Variants in CNTNAP2 observed in about 807,000 individuals in gnomAD.
The protein encoded by CNTNAP2 is contactin associated protein 2.
In CNTNAP2, 98 loss-of-function variants were observed where a neutral mutation model predicts 155.2. That is an observed-to-expected ratio of 0.63 (90% confidence interval 0.54 to 0.75). The LOEUF (loss-of-function observed/expected upper bound fraction) is 0.75. Ranked by LOEUF, CNTNAP2 falls within the 30% of genes least tolerant of loss-of-function variation. CNTNAP2 has a pLI of 0.00. For synonymous variants in CNTNAP2, 651 were observed against 631.2 expected (o/e 1.03, Z -0.47); for missense variants, 1,727 against 1,688.1 (o/e 1.02, Z -0.40).
intron 1 of CNTNAP2, among the ~76,000 whole-genome samples, chr7:146,221,779 T>C (rs1248047897): frequency 6.6e-6 from 1 of 152,232 alleles, no homozygotes; most frequent in Non-Finnish European, 1.5e-5. Flanking sequence ...TCAGAAAATG[T>C]AATGTCTATT....
At position 146,930,030 on chromosome 7, in the gene CNTNAP2, G is replaced by A. The variant is rs551561208; in HGVS notation, c.402+90126G>A. Among the ~76,000 whole-genome samples, 3 of 152,248 alleles carry A rather than the reference G, an allele frequency of 2.0e-5. No individual in the cohort carries two copies. The South Asian group carries it at 6.2e-4, about 32-fold the overall frequency. On this transcript the variant is annotated intron_variant, in intron 3 of 23. Coordinates refer to ENST00000361727, the MANE Select transcript of CNTNAP2 (RefSeq NM_014141.6). ...AAAACACTCTGCAGGATATTATCCA[G>A]GAGAACTTCCCCAATCTAGCAAGGC...
intron 3 of CNTNAP2, among the ~76,000 whole-genome samples, chr7:146,932,692 T>G (rs1396928516): frequency 6.6e-6 from 1 of 152,132 alleles, no homozygotes; most frequent in Admixed American, 6.6e-5. Context: ...AAAACCCCAT[T>G]GTCTCAGCCC....
chr7:147,182,101 G>A (rs1486262826), intron 8 of CNTNAP2, among the ~76,000 whole-genome samples: 1 of 144,204 alleles, frequency 6.9e-6, no homozygotes, highest in African/African-American at 2.6e-5. Flanking sequence ...ACCCCAGCCT[G>A]GGCAAGAGAG....
intron 1 of CNTNAP2, among the ~76,000 whole-genome samples, chr7:146,411,505 G>T (rs1301651690): frequency 3.9e-5 from 6 of 152,054 alleles, no homozygotes; most frequent in South Asian, 4.1e-4. Context: ...TGGTAAGAAG[G>T]TGAGGTAATG....
rs886044541 is a variant in CNTNAP2 at position 146,116,905 on chromosome 7, G to A, written c.29G>A (p.Gly10Glu). The change falls in exon 1 of 24, where the codon GGG becomes GAG. Residue 10 changes from glycine (G) to glutamate (E), a missense_variant. Transcript: ENST00000361727. This position sits in a 1 kb window ranked among gnomAD's most constrained non-coding sequence, Gnocchi z 5.5. ...CAGGCGGCTCCGCGCGCCGGCTGCG[G>A]GGCAGCGCTCCTGCTGTGGATTGTC... MQAAPRAGCGAALLLWIVSS... is the reference protein window; with the variant it reads MQAAPRAGCEAALLLWIVSS... The A allele has an allele frequency of 1.3e-6, 2 of 1,547,886 alleles. No individual in the cohort carries two copies. Among genetic ancestry groups the A allele is most frequent in the Non-Finnish European group, 8.7e-7 (1 of 1,144,606 alleles).
chr7:147,420,456 T>C (rs1797271413), intron 10 of CNTNAP2, among the ~76,000 whole-genome samples: 1 of 152,194 alleles, frequency 6.6e-6, no homozygotes, highest in Non-Finnish European at 1.5e-5. Flanking sequence ...GTGTTCAACA[T>C]TGCTCCCCAA....
intron 4 of CNTNAP2, among the ~76,000 whole-genome samples, chr7:147,097,255 G>A (rs1800555912): frequency 6.6e-6 from 1 of 152,142 alleles, no homozygotes; most frequent in Non-Finnish European, 1.5e-5. Context: ...TGGATGTATA[G>A]CGTTCAGAAC....
At chr7:146,952,494 G>A (rs1797338556) in intron 3 of CNTNAP2, among the ~76,000 whole-genome samples, 1 of 152,150 alleles carries the variant, frequency 6.6e-6, no homozygotes, top group African/African-American at 2.4e-5. Flanking sequence ...AATTGTCTCT[G>A]TTTGCAGATA....
chr7:147,918,066 A>G (rs763722834), intron 14 of CNTNAP2, among the ~76,000 whole-genome samples: 30 of 152,196 alleles, frequency 2.0e-4, no homozygotes, highest in Non-Finnish European at 3.4e-4. Context: ...GCAAAAGTCC[A>G]TGCATAAAAG....
intron 1 of CNTNAP2, among the ~76,000 whole-genome samples, chr7:146,665,991 T>C (rs1242239340): frequency 6.6e-6 from 1 of 151,956 alleles, no homozygotes; most frequent in African/African-American, 2.4e-5. Flanking sequence ...TTACATTATG[T>C]TGGGAACATT....
At chr7:146,406,895 G>T (rs1446019669) in intron 1 of CNTNAP2, among the ~76,000 whole-genome samples, 1 of 152,324 alleles carries the variant, frequency 6.6e-6, no homozygotes, top group East Asian at 1.9e-4. Context: ...CATCATTCTA[G>T]TGTGTGTTTT....
chr7:146,780,191 C>G (rs1220481235), intron 2 of CNTNAP2, among the ~76,000 whole-genome samples: 3 of 122,102 alleles, frequency 2.5e-5, no homozygotes, highest in Admixed American at 2.4e-4. Context: ...TGTTTCCTGA[C>G]TGTTTTTTTT....
chr7:146,614,699 A>G (rs976757927), intron 1 of CNTNAP2, among the ~76,000 whole-genome samples: 3 of 152,202 alleles, frequency 2.0e-5, no homozygotes, highest in East Asian at 3.9e-4. Flanking sequence ...GTCAAAGACA[A>G]CTACACAACT....
At chr7:146,343,986 T>C (rs1794775087) in intron 1 of CNTNAP2, among the ~76,000 whole-genome samples, 1 of 152,108 alleles carries the variant, frequency 6.6e-6, no homozygotes, top group Non-Finnish European at 1.5e-5. Context: ...CAAAATATCA[T>C]ATTTGTGGAT....
At chr7:147,101,619 G>A (rs144551789) in intron 4 of CNTNAP2, among the ~76,000 whole-genome samples, 288 of 152,288 alleles carry the variant, frequency 1.9e-3, no homozygotes, top group African/African-American at 6.6e-3. Context: ...ATTTTACTGA[G>A]TGATGGAGGT....
intron 14 of CNTNAP2, among the ~76,000 whole-genome samples, chr7:147,944,809 T>C (rs1000510742): frequency 2.0e-5 from 3 of 152,194 alleles, no homozygotes; most frequent in Non-Finnish European, 4.4e-5. Flanking sequence ...TTTTCCTCCT[T>C]TCTCTCCCCA....
Position 146,116,904 on chromosome 7 carries a change from G to T in CNTNAP2, c.28G>T (p.Gly10Trp), listed in dbSNP as rs1169898267. The T allele has an allele frequency of 1.3e-6, 2 of 1,546,656 alleles. No homozygotes were observed. Among genetic ancestry groups the T allele is most frequent in the Non-Finnish European group, 1.7e-6 (2 of 1,143,684 alleles). Reference sequence around the variant, plus strand: ...GCAGGCGGCTCCGCGCGCCGGCTGCGGGGCAGCGCTCCTGCTGTGGATTGT... The same window carrying T: ...GCAGGCGGCTCCGCGCGCCGGCTGCTGGGCAGCGCTCCTGCTGTGGATTGT... MQAAPRAGC[G>W]AALLLWIVSS... The change falls in exon 1 of 24, where the codon GGG becomes TGG. Residue 10 changes from glycine to tryptophan, a missense_variant. Physicochemically the swap from Gly to Trp is radical, Grantham distance 184. Coordinates refer to ENST00000361727, the MANE Select transcript of CNTNAP2 (RefSeq NM_014141.6). The surrounding 1 kb of genome is among the most constrained non-coding windows in gnomAD (Gnocchi z 5.5).
At chr7:147,944,923 T>C (rs1378253367) in intron 14 of CNTNAP2, among the ~76,000 whole-genome samples, 1 of 152,222 alleles carries the variant, frequency 6.6e-6, no homozygotes, top group East Asian at 1.9e-4. Context: ...GGCTTGGCAC[T>C]GCTTAGAACT....
intron 3 of CNTNAP2, among the ~76,000 whole-genome samples, chr7:146,925,627 C>T (rs967997097): frequency 6.6e-6 from 1 of 152,064 alleles, no homozygotes; most frequent in Non-Finnish European, 1.5e-5. Flanking sequence ...ACTGTCCTTG[C>T]TATGTAGTAT....
Sources: gnomAD v4.1 joint callset for allele counts (sites outside exome capture counted in the v4.1 genomes callset) on GRCh38, gnomAD v4.1.1 for gene constraint, Gnocchi (gnomAD v3.1) non-coding constraint, MANE v1.5 for transcripts, NCBI Gene and HGNC (gene_info 2026-07-23, HGNC 2026-07-21) for gene names.